The following HSD17B12 variants were observed in gnomAD, a reference collection of about 807,000 sequenced individuals.
HSD17B12 encodes very-long-chain 3-oxoacyl-CoA reductase.
In HSD17B12, 32 loss-of-function variants were observed where a neutral mutation model predicts 39.3. The observed-to-expected ratio is 0.81, with a 90% CI of 0.61 to 1.09. The LOEUF (loss-of-function observed/expected upper bound fraction) is 1.09, where lower values mean the gene tolerates loss of function less well. Ranked by LOEUF, HSD17B12 falls within the 50% of genes least tolerant of loss-of-function variation. The probability of loss-of-function intolerance (pLI) is 0.00; values close to 1 mark genes in which losing one functional copy is unlikely to be tolerated. For synonymous variants in HSD17B12, 150 were observed against 146.7 expected, an observed-to-expected ratio of 1.02 and a Z score of -0.16; for missense variants, 342 against 382.9, an observed-to-expected ratio of 0.89 and a Z score of 0.89.
At chr11:43,812,227 A>T (rs753308510) in intron 4 of HSD17B12, among the ~76,000 whole-genome samples, 3 of 152,168 alleles carry the variant, frequency 2.0e-5, no homozygotes, top group Non-Finnish European at 4.4e-5. Flanking sequence ...TTTCCTTTGG[A>T]TAAATACTAG....
the HSD17B12 span, among the ~76,000 whole-genome samples, chr11:43,586,820 T>G: frequency 6.6e-6 from 1 of 152,248 alleles, no homozygotes; most frequent in Non-Finnish European, 1.5e-5. Flanking sequence ...AGTCATGCTG[T>G]GCATGCTATC....
chr11:43,676,208 G>GGGGTGTGTGTGT (rs1554958171), upstream of HSD17B12, among the ~76,000 whole-genome samples: 27 of 147,728 alleles, frequency 1.8e-4, no homozygotes, highest in African/African-American at 5.8e-4. Flanking sequence ...AGAGGAAGAG[G>GGGGTGTGTGTGT]GTGTGTGTGT....
chr11:43,734,335 G>T (rs1950296868), intron 1 of HSD17B12: 1 of 1,018,824 alleles, frequency 9.8e-7, no homozygotes. Context: ...AAGCAGAGAG[G>T]GCCAGATCTG....
the HSD17B12 span, among the ~76,000 whole-genome samples, chr11:43,615,063 A>G: frequency 6.6e-6 from 1 of 152,028 alleles, no homozygotes; most frequent in Admixed American, 6.5e-5. Context: ...AATTTGCAAG[A>G]CTGGATTTAT....
chr11:43,850,518 A>C (rs1029794588), intron 9 of HSD17B12, among the ~76,000 whole-genome samples: 70 of 152,160 alleles, frequency 4.6e-4, no homozygotes, highest in Non-Finnish European at 1.8e-4. Flanking sequence ...GGTCATTGTC[A>C]TCTGATGTTC....
At chr11:43,694,427 G>T (rs1420490672) in intron 1 of HSD17B12, among the ~76,000 whole-genome samples, 1 of 152,118 alleles carries the variant, frequency 6.6e-6, no homozygotes, top group Non-Finnish European at 1.5e-5. Flanking sequence ...TTGGCCAGGT[G>T]TGGTGGCTCA....
the HSD17B12 span, among the ~76,000 whole-genome samples, chr11:43,565,997 C>A: frequency 6.6e-6 from 1 of 150,558 alleles, no homozygotes; most frequent in African/African-American, 2.4e-5. Flanking sequence ...TCTGTCTGTT[C>A]TGGAGAACCC....
chr11:43,654,654 T>A, the HSD17B12 span, among the ~76,000 whole-genome samples: 1 of 152,208 alleles, frequency 6.6e-6, no homozygotes, highest in Non-Finnish European at 1.5e-5. Flanking sequence ...AAATAGGGAA[T>A]CCTTTCCCCA....
At chr11:43,827,360 A>T (rs1951253791) in intron 6 of HSD17B12, among the ~76,000 whole-genome samples, 1 of 152,218 alleles carries the variant, frequency 6.6e-6, no homozygotes, top group Non-Finnish European at 1.5e-5. Flanking sequence ...ATTACATGAT[A>T]TGAGAATAAT....
chr11:43,663,224 G>C, the HSD17B12 span, among the ~76,000 whole-genome samples: 1 of 151,988 alleles, frequency 6.6e-6, no homozygotes, highest in African/African-American at 2.4e-5. Flanking sequence ...CTCAGAACTC[G>C]CAAGTAGCTG....
At chr11:43,731,309 C>T (rs1950265217) in intron 1 of HSD17B12, among the ~76,000 whole-genome samples, 3 of 152,154 alleles carry the variant, frequency 2.0e-5, no homozygotes, top group Non-Finnish European at 2.9e-5. Flanking sequence ...AAATCTTAAA[C>T]TGGATGAATT....
chr11:43,688,284 C>T (rs1949820644), intron 1 of HSD17B12, among the ~76,000 whole-genome samples: 1 of 152,054 alleles, frequency 6.6e-6, no homozygotes. Context: ...TACTTTTGTG[C>T]ACTTCTTAGT....
chr11:43,645,841 T>G, the HSD17B12 span: 1 of 152,280 alleles, frequency 6.6e-6, no homozygotes, highest in East Asian at 1.9e-4. Context: ...CTTAGCTGGG[T>G]GTGGTGGCAT....
intron 4 of HSD17B12, among the ~76,000 whole-genome samples, chr11:43,813,403 A>G (rs541413986): frequency 6.6e-6 from 1 of 152,316 alleles, no homozygotes; most frequent in South Asian, 2.1e-4. Context: ...ATCTGAAGAA[A>G]GTTTTCTTGA....
intron 3 of HSD17B12, among the ~76,000 whole-genome samples, chr11:43,783,284 C>T (rs1196542242): frequency 6.6e-6 from 1 of 151,828 alleles, no homozygotes; most frequent in African/African-American, 2.4e-5. Context: ...TTCTTGATTT[C>T]GATGGTTACA....
intron 3 of HSD17B12, 120 bp from the exon 4 acceptor site, chr11:43,798,200 T>G: frequency 1.6e-6 from 1 of 637,932 alleles, no homozygotes; most frequent in Non-Finnish European, 2.8e-6. Flanking sequence ...TGGTGTAAAT[T>G]TTGTATCAAA....
the HSD17B12 span, among the ~76,000 whole-genome samples, chr11:43,663,663 T>A: frequency 2.6e-5 from 4 of 152,256 alleles, no homozygotes; most frequent in East Asian, 3.9e-4. Context: ...ATTATAATCT[T>A]GTCCATGTTA....
chr11:43,832,831 A>C (rs917302831), intron 7 of HSD17B12, among the ~76,000 whole-genome samples: 1 of 152,156 alleles, frequency 6.6e-6, no homozygotes, highest in Non-Finnish European at 1.5e-5. Flanking sequence ...GGAATTCAAG[A>C]CCAGCCTGGT....
At chr11:43,820,188 T>C (rs1479143131) in intron 6 of HSD17B12, among the ~76,000 whole-genome samples, 2 of 152,082 alleles carry the variant, frequency 1.3e-5, no homozygotes, top group Non-Finnish European at 2.9e-5. Flanking sequence ...AGACCTTGAG[T>C]GCTGTGCTCA....
Sources: gnomAD v4.1 joint callset for allele counts (sites outside exome capture counted in the v4.1 genomes callset) on GRCh38, gnomAD v4.1.1 for gene constraint, MANE v1.5 for transcripts, NCBI Gene and HGNC (gene_info 2026-07-23, HGNC 2026-07-21) for gene names.